The following ARMC8 variants were observed in gnomAD, a reference collection of about 807,000 sequenced individuals.
ARMC8 encodes armadillo repeat containing 8.
A neutral mutation model predicts 99.3 loss-of-function variants in ARMC8; 20 were observed. The ratio of observed to expected loss-of-function variants is 0.20; its 90% CI spans 0.14 to 0.29. ARMC8 has a LOEUF of 0.29. Ranked by LOEUF, ARMC8 falls within the 10% of genes least tolerant of loss-of-function variation. The pLI is 1.00. For missense variants in ARMC8, 569 were observed against 809.5 expected, an observed-to-expected ratio of 0.70 and a Z score of 3.60; for synonymous variants, 263 against 278.3, an observed-to-expected ratio of 0.95 and a Z score of 0.55.
intron 1 of ARMC8, 162 bp downstream of exon 1, chr3:138,187,761 C>G (rs1192001583): frequency 2.7e-6 from 2 of 748,240 alleles, no homozygotes; most frequent in African/African-American, 3.6e-5. Flanking sequence ...GCGGGATAGA[C>G]GGGCAGAGGG....
At chr3:138,281,871 T>TC (rs916076541) in intron 18 of ARMC8, among the ~76,000 whole-genome samples, 6 of 152,070 alleles carry the variant, frequency 3.9e-5, no homozygotes, top group African/African-American at 1.2e-4. Context: ...CCATTTCTCT[T>TC]CCCCCCATGA....
intron 2 of ARMC8, among the ~76,000 whole-genome samples, chr3:138,216,240 A>G (rs893821670): frequency 1.3e-5 from 2 of 152,130 alleles, no homozygotes; most frequent in African/African-American, 4.8e-5. Flanking sequence ...TTTGTTTATA[A>G]GAATGAACTA....
chr3:138,206,183 T>C (rs1414725157), intron 1 of ARMC8, among the ~76,000 whole-genome samples: 2 of 152,342 alleles, frequency 1.3e-5, no homozygotes, highest in African/African-American at 2.4e-5. Context: ...TCATAAAGTT[T>C]ATAGTTGAAA....
At chr3:138,250,098 A>G in intron 12 of ARMC8, among the ~76,000 whole-genome samples, 1 of 152,188 alleles carries the variant, frequency 6.6e-6, no homozygotes, top group East Asian at 1.9e-4. Context: ...GCGAAGAGTG[A>G]GATTAAAAAA....
At chr3:138,225,309 C>T (rs1258853227) in intron 5 of ARMC8, among the ~76,000 whole-genome samples, 1 of 152,116 alleles carries the variant, frequency 6.6e-6, no homozygotes, top group East Asian at 1.9e-4. Flanking sequence ...CGGGGTTTCA[C>T]CATGTTGGCC....
In ARMC8 at chr3:138,223,399, T is replaced by G; in HGVS notation, c.205T>G (p.Leu69Val). Residue 69 changes from leucine to valine, a missense_variant, in exon 4 of 22, where the codon TTG becomes GTG. By Grantham distance (32) the Leu-to-Val change is conservative. Around this residue, in one of 2 missense-constraint regions of ARMC8, gnomAD observed 342 missense variants for 391.6 expected, o/e 0.87. Coordinates refer to ENST00000469044, the MANE Select transcript of ARMC8 (RefSeq NM_001363941.2). Reference protein sequence around the residue: ...VLGAVPRLLYLLQQETSSTEL... With the variant: ...VLGAVPRLLYVLQQETSSTEL... Reference sequence around the variant, plus strand: ...GTTCCTTCTTTTTAGATTGTTGTACTTGCTTCAGCAAGAAACCTCAAGCAC... The same window carrying G: ...GTTCCTTCTTTTTAGATTGTTGTACGTGCTTCAGCAAGAAACCTCAAGCAC... 1 of 1,614,060 alleles carries G rather than the reference T, an allele frequency of 6.2e-7. No individual in the cohort carries two copies. The highest frequency in any genetic ancestry group is 8.5e-7 in the Non-Finnish European group (1 of 1,179,972).
At chr3:138,188,392 TAA>T in intron 1 of ARMC8, 9 of 1,439,956 alleles carry the variant, frequency 6.3e-6, no homozygotes, top group South Asian at 5.9e-5. Context: ...TTTTTTTTTT[TAA>T]AAAAAGTTTT....
rs1033761251 is a variant in ARMC8, at chr3:138,289,665, T to C, written c.1894+545T>C. Among the ~76,000 whole-genome samples the C allele has an allele frequency of 3.3e-5, 5 of 152,062 alleles. No homozygotes were observed. In the East Asian group the frequency reaches 9.6e-4, roughly 29 times the overall value. On this transcript the variant is annotated intron_variant, in intron 20 of 21. Coordinates refer to ENST00000469044, the MANE Select transcript of ARMC8 (RefSeq NM_001363941.2). ...TTACACCAGGCCAATTAAATCAGAA[T>C]CTCTCGGGGTGGGCTCCAGGCATAA... is the stretch of plus-strand genomic sequence containing the variant.
At chr3:138,225,358 C>T (rs1423237788) in intron 5 of ARMC8, among the ~76,000 whole-genome samples, 6 of 152,178 alleles carry the variant, frequency 3.9e-5, no homozygotes, top group Non-Finnish European at 7.3e-5. Flanking sequence ...ATCTGCCCGC[C>T]TCGGCCTCCC....
intron 2 of ARMC8, among the ~76,000 whole-genome samples, chr3:138,217,599 C>T (rs878991323): frequency 6.6e-6 from 1 of 152,068 alleles, no homozygotes; most frequent in Admixed American, 6.5e-5. Context: ...AAAGTTTAAC[C>T]TCTGTGTAAA....
intron 5 of ARMC8, among the ~76,000 whole-genome samples, chr3:138,226,089 T>C (rs573166961): frequency 1.4e-4 from 22 of 152,236 alleles, no homozygotes; most frequent in Non-Finnish European, 2.9e-4. Flanking sequence ...ACCTCCCAGG[T>C]TTAAGCAATT....
chr3:138,295,798 A>G, intron 21 of ARMC8, 61 bp from the exon 22 acceptor site: 1 of 1,575,784 alleles, frequency 6.3e-7, no homozygotes, highest in Non-Finnish European at 8.7e-7. Flanking sequence ...ATTGAACCAT[A>G]GGGTTTTTTA....
chr3:138,194,270 C>T (rs2043569057), intron 1 of ARMC8, among the ~76,000 whole-genome samples: 1 of 151,334 alleles, frequency 6.6e-6, no homozygotes, highest in Non-Finnish European at 1.5e-5. Flanking sequence ...GTCTCGATCT[C>T]CTGACCTCGT....
chr3:138,223,114 T>TATCA (rs2045492649), intron 3 of ARMC8, among the ~76,000 whole-genome samples: 1 of 152,236 alleles, frequency 6.6e-6, no homozygotes, highest in South Asian at 2.1e-4. Context: ...TGGACTCTGA[T>TATCA]GACGCTGTTT....
chr3:138,260,910 C>G (rs1436252219), intron 12 of ARMC8, among the ~76,000 whole-genome samples: 1 of 152,208 alleles, frequency 6.6e-6, no homozygotes, highest in Non-Finnish European at 1.5e-5. Context: ...ATATCCAGTA[C>G]AGGCAGTTGT....
In ARMC8 at chr3:138,267,151, A is replaced by G. The variant is rs74544917; in HGVS notation, c.1300-4A>G. 2.7e-3 allele frequency: 4,023 copies of G among 1,513,162 alleles called. 97 individuals are homozygous for G. In the African/African-American group the frequency reaches 0.05, roughly 19 times the overall value. The allele number at this position is 1,513,162 out of a possible 1,614,324, so 93.7% of individuals were successfully genotyped here. A position where few individuals can be genotyped will look rare whatever the true frequency, so the allele number is the denominator to read the frequency against. ...ATTAGTAGTATCCTTTTTTAATTCC[A>G]TAGGTTTTACAAAATGCACCAGATG... On this transcript the variant is annotated splice_region_variant and splice_polypyrimidine_tract_variant and intron_variant, in intron 14 of 21. Transcript: ENST00000469044.
chr3:138,187,303 T>C lies in ARMC8; in HGVS notation c.-252T>C, dbSNP rs544799913. 6.9e-6 allele frequency: 3 copies of C among 436,170 alleles called. No homozygotes were observed. The highest frequency in any genetic ancestry group is 9.8e-5 in the South Asian group (2 of 20,482). The allele number at this position is 436,170 out of a possible 1,614,324, so 27.0% of individuals were successfully genotyped here. A position where few individuals can be genotyped will look rare whatever the true frequency, so the allele number is the denominator to read the frequency against. Reference sequence around the variant, plus strand: ...TGCGCATGCGGAAACCGCTGCCCGCTTCCACCTCTAACCCAGGCTCAGAGT... The same window carrying C: ...TGCGCATGCGGAAACCGCTGCCCGCCTCCACCTCTAACCCAGGCTCAGAGT... On this transcript the variant is annotated 5_prime_UTR_variant, in exon 1 of 22. Coordinates refer to ENST00000469044, the MANE Select transcript of ARMC8 (RefSeq NM_001363941.2).
chr3:138,284,572 G>A (rs2050226113), intron 19 of ARMC8, 46 bp downstream of exon 19: 9 of 1,371,248 alleles, frequency 6.6e-6, no homozygotes, highest in Non-Finnish European at 9.3e-6. Flanking sequence ...TGCAGGGACT[G>A]TTGCATTTTT....
chr3:138,221,499 A>C (rs1469788015), intron 2 of ARMC8, among the ~76,000 whole-genome samples: 1 of 152,230 alleles, frequency 6.6e-6, no homozygotes, highest in African/African-American at 2.4e-5. Context: ...ATAATATATA[A>C]AGAAGTAAAA....
Sources: allele counts gnomAD v4.1 joint callset (sites outside exome capture counted in the v4.1 genomes callset), GRCh38; gene constraint gnomAD v4.1.1; regional missense constraint gnomAD v4.1.1; transcripts MANE v1.5; gene names NCBI Gene and HGNC (gene_info 2026-07-23, HGNC 2026-07-21).